The following CCNT2 variants were observed in gnomAD, a reference collection of about 807,000 sequenced individuals.
The protein encoded by CCNT2 is cyclin-T2.
A neutral mutation model predicts 70.0 loss-of-function variants in CCNT2; 18 were observed. The observed-to-expected ratio is 0.26, with a 90% CI of 0.18 to 0.38. The LOEUF is 0.38. Ranked by LOEUF, CCNT2 falls within the 10% of genes least tolerant of loss-of-function variation. CCNT2 has a pLI of 1.00. For synonymous variants in CCNT2, 334 were observed against 313.3 expected (o/e 1.07, Z -0.70); for missense variants, 734 against 890.2 (o/e 0.82, Z 2.23).
chr2:134,922,921 C>G (rs1208922641), intron 2 of CCNT2, among the ~76,000 whole-genome samples: 1 of 152,168 alleles, frequency 6.6e-6, no homozygotes, highest in Non-Finnish European at 1.5e-5. Context: ...TCCATCTTCT[C>G]TTACTTCCAT....
At chr2:134,930,605 C>T (rs189781089) in intron 2 of CCNT2, among the ~76,000 whole-genome samples, 1 of 152,228 alleles carries the variant, frequency 6.6e-6, no homozygotes, top group East Asian at 1.9e-4. Flanking sequence ...GAGGAACTGC[C>T]GAACTGTTTT....
In CCNT2 at chr2:134,953,718, G is replaced by A. The variant is rs1347011909; in HGVS notation, c.1263G>A (p.Gly421=). 9 of 1,613,862 alleles carry A rather than the reference G, an allele frequency of 5.6e-6. No individual in the cohort carries two copies. Among genetic ancestry groups the A allele is most frequent in the Non-Finnish European group, 7.6e-6 (9 of 1,179,862 alleles). Reference sequence around the variant, plus strand: ...AAGCAGGGAGCAGTAAACACCATGGGCCAATTTCCACTACTCCAGGAATAA... The same window carrying A: ...AAGCAGGGAGCAGTAAACACCATGGACCAATTTCCACTACTCCAGGAATAA... ...THKAGSSKHH[G]PISTTPGIIP... The change falls in exon 9 of 9, where the codon GGG becomes GGA. Residue 421 remains glycine, a synonymous_variant. Transcript: ENST00000264157.
intron 7 of CCNT2, among the ~76,000 whole-genome samples, chr2:134,948,198 A>G (rs1682141416): frequency 6.6e-6 from 1 of 152,154 alleles, no homozygotes; most frequent in South Asian, 2.1e-4. Context: ...GCGTGCCTAT[A>G]GTCTCAGCTA....
intron 2 of CCNT2, among the ~76,000 whole-genome samples, chr2:134,934,527 A>G (rs1573809477): frequency 6.6e-6 from 1 of 152,364 alleles, no homozygotes; most frequent in Non-Finnish European, 1.5e-5. Context: ...AAGCAGTAGT[A>G]CCTAGTTTGA....
At chr2:134,946,206 A>G (rs1681954429) in intron 6 of CCNT2, 60 bp downstream of exon 6, 2 of 1,567,986 alleles carry the variant, frequency 1.3e-6, no homozygotes, top group Non-Finnish European at 1.7e-6. Flanking sequence ...CCTTTAATGC[A>G]GGGCCCCCTC....
intron 5 of CCNT2, chr2:134,944,935 A>G: frequency 1.0e-6 from 1 of 985,240 alleles, no homozygotes; most frequent in Non-Finnish European, 1.2e-6. Flanking sequence ...GGGGAGGGGA[A>G]AATAAATTTG....
At position 134,943,509 on chromosome 2, in the gene CCNT2, G is replaced by T. The variant is rs955522035; in HGVS notation, c.493+835G>T. The T allele has an allele frequency of 3.0e-6, 3 of 983,810 alleles. No homozygotes were observed. In the African/African-American group the frequency reaches 5.2e-5, roughly 17 times the overall value. 60.9% of individuals were successfully genotyped at this position (983,810 alleles called of 1,614,324 possible). A position where few individuals can be genotyped will look rare whatever the true frequency, so the allele number is the denominator to read the frequency against. On this transcript the variant is annotated intron_variant, in intron 5 of 8. Transcript: ENST00000264157. ...AGGGTCTTTGACATTACTAAAAGTG[G>T]TTTCCTTTTTGTAACGGAGAAATAA...
At chr2:134,943,921 G>A in intron 5 of CCNT2, 2 of 961,744 alleles carry the variant, frequency 2.1e-6, no homozygotes, top group Non-Finnish European at 2.5e-6. Context: ...AAAATCTTTT[G>A]TTTTTAGTAT....
In CCNT2 at chr2:134,943,087, C is replaced by T. The variant is rs896415713; in HGVS notation, c.493+413C>T. ...AAGAATTTTGAGGCCAACCTCAGAC[C>T]TTTCAGATAAAAATTGCCTTTGTTA... is the stretch of plus-strand genomic sequence containing the variant. On this transcript the variant is annotated intron_variant, in intron 5 of 8. Transcript: ENST00000264157. The T allele has an allele frequency of 5.1e-6, 5 of 985,164 alleles. No individual in the cohort carries two copies. In the South Asian group the frequency reaches 1.4e-4, roughly 28 times the overall value. The allele number at this position is 985,164 out of a possible 1,614,324, so 61.0% of individuals were successfully genotyped here.
At chr2:134,935,885 C>T (rs543022381) in intron 2 of CCNT2, among the ~76,000 whole-genome samples, 2 of 151,876 alleles carry the variant, frequency 1.3e-5, no homozygotes, top group South Asian at 4.2e-4. Flanking sequence ...CATGCTTATA[C>T]CCTGGTGGTG....
At chr2:134,943,129 G>A (rs995246237) in intron 5 of CCNT2, 23 of 982,052 alleles carry the variant, frequency 2.3e-5, no homozygotes, top group African/African-American at 3.5e-5. Context: ...TTGTCAGTAC[G>A]GTGGCTCCCA....
rs781411502 is a variant in CCNT2 at position 134,953,388 on chromosome 2, G to A, written c.933G>A (p.Ala311=). The stretch of plus-strand genomic sequence containing the variant: ...AACCATCTACATCAGCATTCCCTGC[G>A]CCAGTACCTCTAAATTCAGGAAATA... ...FQKPSTSAFP[A]PVPLNSGNIS... is the part of the protein sequence containing the mutation. The change falls in exon 9 of 9, where the codon GCG becomes GCA. Residue 311 remains alanine, a synonymous_variant. Transcript: ENST00000264157. The A allele has an allele frequency of 2.7e-5, 43 of 1,601,472 alleles. No individual in the cohort carries two copies. The Middle Eastern group carries it at 4.9e-4, about 18-fold the overall frequency.
intron 2 of CCNT2, among the ~76,000 whole-genome samples, chr2:134,924,549 A>G (rs1680140516): frequency 6.6e-6 from 1 of 152,060 alleles, no homozygotes. Flanking sequence ...TCCTGAGTTC[A>G]AGTGAATCTC....
At chr2:134,920,864 A>G (rs1679847878) in intron 2 of CCNT2, among the ~76,000 whole-genome samples, 1 of 152,212 alleles carries the variant, frequency 6.6e-6, no homozygotes, top group South Asian at 2.1e-4. Context: ...ATGGAAGGAA[A>G]GGCTTCATGG....
At chr2:134,933,994 A>G (rs758423459) in intron 2 of CCNT2, among the ~76,000 whole-genome samples, 1 of 152,218 alleles carries the variant, frequency 6.6e-6, no homozygotes, top group African/African-American at 2.4e-5. Context: ...TTGAGGCAGC[A>G]TGGCTATGGC....
chr2:134,943,921 GTTTTTAGTATTTACC>G, intron 5 of CCNT2: 6 of 961,742 alleles, frequency 6.2e-6, no homozygotes, highest in Non-Finnish European at 7.4e-6. Flanking sequence ...AAAATCTTTT[GTTTTTAGTATTTACC>G]TAAGTATTCT....
At chr2:134,950,409 C>T (rs1455422623) in intron 7 of CCNT2, among the ~76,000 whole-genome samples, 1 of 152,080 alleles carries the variant, frequency 6.6e-6, no homozygotes, top group Non-Finnish European at 1.5e-5. Context: ...CGGGTGCAGT[C>T]ACTCACATAT....
chr2:134,950,640 GAA>G (rs915908447), intron 7 of CCNT2, among the ~76,000 whole-genome samples: 4 of 149,844 alleles, frequency 2.7e-5, no homozygotes, highest in Admixed American at 2.6e-4. Flanking sequence ...TGTCTGGGGG[GAA>G]AAAAAAAGAC....
intron 2 of CCNT2, among the ~76,000 whole-genome samples, chr2:134,936,215 G>A (rs1681143324): frequency 6.8e-6 from 1 of 146,744 alleles, no homozygotes; most frequent in Non-Finnish European, 1.5e-5. Context: ...CCTCCACAAT[G>A]TGCAAATTAA....
Sources: allele counts gnomAD v4.1 joint callset (sites outside exome capture counted in the v4.1 genomes callset), GRCh38; gene constraint gnomAD v4.1.1; transcripts MANE v1.5; gene names NCBI Gene and HGNC (gene_info 2026-07-23, HGNC 2026-07-21).